The following FAM227B variants were observed in gnomAD, a reference collection of about 807,000 sequenced individuals.
FAM227B encodes protein FAM227B.
Under a neutral mutation model 73.8 loss-of-function variants are expected in FAM227B, and 88 were observed. That is an observed-to-expected ratio of 1.19 (90% CI 1.00 to 1.42). The LOEUF is 1.42. FAM227B is among the 40% of genes most tolerant of loss of function. FAM227B has a pLI of 0.00. For missense variants in FAM227B, 632 were observed against 590.9 expected, an observed-to-expected ratio of 1.07 and a Z score of -0.72; for synonymous variants, 210 against 190.5, an observed-to-expected ratio of 1.10 and a Z score of -0.84.
intron 2 of FAM227B, among the ~76,000 whole-genome samples, chr15:49,612,092 G>A (rs1274353251): frequency 6.6e-6 from 1 of 150,882 alleles, no homozygotes; most frequent in Non-Finnish European, 1.5e-5. Context: ...CCTTGGAGAG[G>A]CTATTTTTTT....
intron 10 of FAM227B, among the ~76,000 whole-genome samples, chr15:49,530,208 A>G (rs2060507537): frequency 6.6e-6 from 1 of 151,782 alleles, no homozygotes; most frequent in South Asian, 2.1e-4. Flanking sequence ...AGATGAGGCA[A>G]TATCAATTAT....
chr15:49,424,448 C>A lies in FAM227B; in HGVS notation c.1013-53049G>T, dbSNP rs1390535736. On this transcript the variant is annotated intron_variant, in intron 11 of 15. Coordinates refer to ENST00000299338, the MANE Select transcript of FAM227B (RefSeq NM_152647.3). ...AAATGTGAACTGTTCCAGCCCTGAG[C>A]GACACACAAGAAGTTATGATTACAT... is the stretch of plus-strand genomic sequence containing the variant. 6.2e-6 allele frequency: 10 copies of A among 1,613,288 alleles called. No homozygotes were observed. In the South Asian group the frequency reaches 1.1e-4, roughly 18 times the overall value.
intron 11 of FAM227B, among the ~76,000 whole-genome samples, chr15:49,394,617 TGGA>T (rs2047442958): frequency 6.6e-6 from 1 of 152,162 alleles, no homozygotes; most frequent in Non-Finnish European, 1.5e-5. Flanking sequence ...AATTCAGGTG[TGGA>T]GAATTATCTT....
chr15:49,578,243 G>T, intron 5 of FAM227B, among the ~76,000 whole-genome samples: 1 of 152,172 alleles, frequency 6.6e-6, no homozygotes, highest in East Asian at 1.9e-4. Flanking sequence ...AGAAGAGGAA[G>T]TTCTCTGGAG....
chr15:49,340,424 C>T (rs903960399), intron 13 of FAM227B, among the ~76,000 whole-genome samples: 2 of 130,026 alleles, frequency 1.5e-5, no homozygotes, highest in Admixed American at 1.6e-4. Flanking sequence ...CCCCCCCCCG[C>T]TTTGCCTCGC....
intron 3 of FAM227B, among the ~76,000 whole-genome samples, chr15:49,605,187 C>T (rs2077437391): frequency 6.6e-6 from 1 of 152,112 alleles, no homozygotes; most frequent in Admixed American, 6.5e-5. Context: ...TCAGCCCACC[C>T]AGAAAATGTA....
chr15:49,461,970 G>A (rs1217414991), intron 11 of FAM227B, among the ~76,000 whole-genome samples: 1 of 152,100 alleles, frequency 6.6e-6, no homozygotes, highest in Non-Finnish European at 1.5e-5. Context: ...AGGAGTTCGA[G>A]ACCAGCCTGG....
At chr15:49,422,120 T>TAGAGAGAGAGAGAGAGAGAGAGAGAG (rs3075167) in intron 11 of FAM227B, among the ~76,000 whole-genome samples, 168 of 134,462 alleles carry the variant, frequency 1.2e-3, no homozygotes, top group South Asian at 6.2e-3. Flanking sequence ...GCATTTCACA[T>TAGAGAGAGAGAGAGAGAGAGAGAGAG]AGAGAGAGAG....
At chr15:49,595,996 A>C (rs1328314556) in intron 3 of FAM227B, among the ~76,000 whole-genome samples, 1 of 151,998 alleles carries the variant, frequency 6.6e-6, no homozygotes, top group Non-Finnish European at 1.5e-5. Flanking sequence ...CCTAAAAATA[A>C]CTGGTATTCC....
intron 13 of FAM227B, among the ~76,000 whole-genome samples, chr15:49,363,690 T>C (rs1481337287): frequency 2.0e-5 from 3 of 152,134 alleles, no homozygotes; most frequent in Non-Finnish European, 4.4e-5. Context: ...GTGGGTATCC[T>C]TGTCTTGTTC....
intron 11 of FAM227B, among the ~76,000 whole-genome samples, chr15:49,388,789 G>GA (rs1316604228): frequency 6.6e-6 from 1 of 151,632 alleles, no homozygotes; most frequent in Non-Finnish European, 1.5e-5. Context: ...AAATTACCAA[G>GA]AAAAAATACA....
intron 15 of FAM227B, chr15:49,330,974 A>G (rs2038609661): frequency 6.6e-6 from 1 of 152,290 alleles, no homozygotes; most frequent in African/African-American, 2.4e-5. Context: ...AACAACAACA[A>G]AAATGAATAG....
chr15:49,443,217 A>C (rs374316485), intron 11 of FAM227B, among the ~76,000 whole-genome samples: 1 of 151,718 alleles, frequency 6.6e-6, no homozygotes, highest in South Asian at 2.1e-4. Flanking sequence ...TAAACTTAGA[A>C]TGAAATAAAT....
chr15:49,504,383 A>C (rs2152102757), intron 11 of FAM227B, among the ~76,000 whole-genome samples: 1 of 151,690 alleles, frequency 6.6e-6, no homozygotes, highest in East Asian at 2.0e-4. Context: ...TATGTAACAA[A>C]CCTGCACGTT....
At chr15:49,531,661 T>C (rs921315502) in intron 10 of FAM227B, among the ~76,000 whole-genome samples, 1 of 152,022 alleles carries the variant, frequency 6.6e-6, no homozygotes, top group Admixed American at 6.6e-5. Context: ...GCATTGTGCA[T>C]TACTCCCATC....
chr15:49,344,550 G>C (rs1434201085), intron 13 of FAM227B, among the ~76,000 whole-genome samples: 2 of 152,160 alleles, frequency 1.3e-5, no homozygotes, highest in Non-Finnish European at 1.5e-5. Flanking sequence ...AGCCTAGCGA[G>C]GGAGGACTGT....
At chr15:49,382,903 T>C (rs1293642008) in intron 11 of FAM227B, among the ~76,000 whole-genome samples, 1 of 152,082 alleles carries the variant, frequency 6.6e-6, no homozygotes, top group Non-Finnish European at 1.5e-5. Context: ...CAATCATAGG[T>C]AGATGCTGAG....
intron 11 of FAM227B, among the ~76,000 whole-genome samples, chr15:49,456,046 T>A (rs759431134): frequency 6.6e-6 from 1 of 152,150 alleles, no homozygotes; most frequent in Admixed American, 6.5e-5. Context: ...TGTGACCGCA[T>A]ATTGGTGCCA....
chr15:49,415,416 A>C (rs1253825570), intron 11 of FAM227B, among the ~76,000 whole-genome samples: 1 of 152,178 alleles, frequency 6.6e-6, no homozygotes, highest in Non-Finnish European at 1.5e-5. Context: ...GCACTTACTC[A>C]AGGAAATTGA....
Sources: allele counts gnomAD v4.1 joint callset (sites outside exome capture counted in the v4.1 genomes callset), GRCh38; gene constraint gnomAD v4.1.1; transcripts MANE v1.5; gene names NCBI Gene and HGNC (gene_info 2026-07-23, HGNC 2026-07-21).